The following KCNQ1 variants were observed in gnomAD, a reference collection of about 807,000 sequenced individuals.
KCNQ1 encodes the protein potassium voltage-gated channel subfamily Q member 1.
In KCNQ1, 49 loss-of-function variants were observed where a neutral mutation model predicts 72.4. That is an observed-to-expected ratio of 0.68 (90% CI 0.54 to 0.86). The LOEUF is 0.86. Ranked by LOEUF, KCNQ1 falls within the 40% of genes least tolerant of loss-of-function variation. KCNQ1 has a pLI of 0.00. For synonymous variants in KCNQ1, 450 were observed against 412.6 expected, an observed-to-expected ratio of 1.09 and a Z score of -1.10; for missense variants, 790 against 945.1, an observed-to-expected ratio of 0.84 and a Z score of 2.15.
intron 2 of KCNQ1, among the ~76,000 whole-genome samples, chr11:2,534,561 CT>C (rs1414118967): frequency 6.6e-6 from 1 of 152,240 alleles, no homozygotes; most frequent in Non-Finnish European, 1.5e-5. Context: ...AAGCCCCGTC[CT>C]GCACACTTGC....
At chr11:2,825,693 A>G (rs1315117451) in intron 15 of KCNQ1, among the ~76,000 whole-genome samples, 2 of 152,250 alleles carry the variant, frequency 1.3e-5, no homozygotes, top group Non-Finnish European at 2.9e-5. Flanking sequence ...CAGACAATTA[A>G]TTATCCTTCG....
At chr11:2,551,987 G>C (rs1847989703) in intron 2 of KCNQ1, among the ~76,000 whole-genome samples, 1 of 152,174 alleles carries the variant, frequency 6.6e-6, no homozygotes, top group Non-Finnish European at 1.5e-5. Flanking sequence ...TTCTGGATAT[G>C]AGTCCTTCAC....
At chr11:2,807,408 G>A (rs569075003) in intron 15 of KCNQ1, among the ~76,000 whole-genome samples, 49 of 152,316 alleles carry the variant, frequency 3.2e-4, no homozygotes, top group East Asian at 1.2e-3. Context: ...CATGGAGAGC[G>A]GGACTGTGCC....
intron 1 of KCNQ1, among the ~76,000 whole-genome samples, chr11:2,460,464 G>A (rs930846589): frequency 3.9e-5 from 6 of 152,216 alleles, no homozygotes; most frequent in Non-Finnish European, 8.8e-5. Flanking sequence ...CCAGCTCAAG[G>A]CCCTGGCCTC....
chr11:2,584,098 G>A (rs1345996388), intron 7 of KCNQ1, among the ~76,000 whole-genome samples: 1 of 152,200 alleles, frequency 6.6e-6, no homozygotes, highest in Non-Finnish European at 1.5e-5. Context: ...ACATGGGTGT[G>A]TATGTACTGT....
intron 1 of KCNQ1, chr11:2,461,436 C>G: frequency 7.8e-7 from 1 of 1,283,050 alleles, no homozygotes; most frequent in Non-Finnish European, 1.0e-6. Context: ...GGGGTGGCCC[C>G]TCTTCCCTTC....
In KCNQ1 at chr11:2,682,085, C is replaced by T. The variant is rs138628534; in HGVS notation, c.1514+20004C>T. 5.6e-3 allele frequency: 2,219 copies of T among 398,554 alleles called. 19 individuals are homozygous for T. The highest frequency in any genetic ancestry group is 6.4e-3 in the Non-Finnish European group (1,456 of 226,040). 24.7% of individuals were successfully genotyped at this position (398,554 alleles called of 1,614,324 possible). On this transcript the variant is annotated intron_variant, in intron 11 of 15. Transcript: ENST00000155840. The surrounding 1 kb of genome is among the most constrained non-coding windows in gnomAD (Gnocchi z 5.8). ...GGGTTGAGGGATTGAGTCTAGGGCC[C>T]AGGGTCACAAAGCTAGGGAGCCGTG...
chr11:2,732,117 T>C (rs1448570374), intron 11 of KCNQ1, among the ~76,000 whole-genome samples: 1 of 152,228 alleles, frequency 6.6e-6, no homozygotes, highest in African/African-American at 2.4e-5. Flanking sequence ...AGTGCCTGCG[T>C]GGTGGCCTCT....
chr11:2,845,607 C>A (rs1288246818), intron 15 of KCNQ1, among the ~76,000 whole-genome samples: 1 of 152,208 alleles, frequency 6.6e-6, no homozygotes, highest in African/African-American at 2.4e-5. Flanking sequence ...CTGGCCTGGA[C>A]CGTCAGACCT....
chr11:2,581,379 C>T (rs1037482726), intron 6 of KCNQ1, among the ~76,000 whole-genome samples: 1 of 152,246 alleles, frequency 6.6e-6, no homozygotes, highest in African/African-American at 2.4e-5. Flanking sequence ...GTGTCTGCCT[C>T]TGCAACTCCC....
chr11:2,786,448 T>C (rs1179393181), intron 15 of KCNQ1, among the ~76,000 whole-genome samples: 1 of 152,136 alleles, frequency 6.6e-6, no homozygotes, highest in Non-Finnish European at 1.5e-5. Context: ...TACTCAGTGG[T>C]TTGGTGTCTT....
chr11:2,721,630 G>T (rs541702568), intron 11 of KCNQ1, among the ~76,000 whole-genome samples: 2 of 152,226 alleles, frequency 1.3e-5, no homozygotes, highest in African/African-American at 4.8e-5. Context: ...GTTGGTGGGG[G>T]CAGCAGAGCC....
rs1848255083 is a variant in KCNQ1, at chr11:2,566,815, T to A, written c.478-3813T>A. Among the ~76,000 whole-genome samples, 1 of 152,148 alleles carries A rather than the reference T, an allele frequency of 6.6e-6. No individual in the cohort carries two copies. Among genetic ancestry groups the A allele is most frequent in the Admixed American group, 6.5e-5 (1 of 15,282 alleles). ...GTGAGAGGCGCTTTGTGGGGCTGGA[T>A]GATCCTGGGTGCCCCTCAGAGAAGG... is the stretch of plus-strand genomic sequence containing the variant. On this transcript the variant is annotated intron_variant, in intron 2 of 15. Transcript: ENST00000155840. The surrounding 1 kb of genome is among the most constrained non-coding windows in gnomAD (Gnocchi z 6.7).
chr11:2,445,221 G>A lies in KCNQ1; in HGVS notation c.123G>A (p.Ala41=), dbSNP rs1450451878. The change falls in exon 1 of 16, where the codon GCG becomes GCA. Residue 41 remains alanine, a synonymous_variant. Transcript: ENST00000155840. ...AKKCPFSLEL[A]EGGPAGGALY... ...AGTGCCCCTTCTCGCTGGAGCTGGC[G>A]GAGGGCGGCCCGGCGGGCGGCGCGC... The A allele has an allele frequency of 2.6e-6, 3 of 1,135,234 alleles. No homozygotes were observed. The highest frequency in any genetic ancestry group is 4.3e-5 in the Admixed American group (1 of 23,446). The allele number at this position is 1,135,234 out of a possible 1,614,324, so 70.3% of individuals were successfully genotyped here.
intron 1 of KCNQ1, among the ~76,000 whole-genome samples, chr11:2,474,235 G>A (rs898494658): frequency 7.2e-5 from 11 of 152,178 alleles, no homozygotes; most frequent in Admixed American, 5.9e-4. Context: ...CTGTCCTCGA[G>A]TCTCCTGGTG....
chr11:2,668,567 G>T lies in KCNQ1; in HGVS notation c.1514+6486G>T. ...CTAATGAAGTTGAGTCCCTTTCCAT[G>T]TTATCATTTAGTCAGATACATCATT... On this transcript the variant is annotated intron_variant, in intron 11 of 15. Coordinates refer to ENST00000155840, the MANE Select transcript of KCNQ1 (RefSeq NM_000218.3). The surrounding 1 kb of genome is among the most constrained non-coding windows in gnomAD (Gnocchi z 4.3). 1 of 398,610 alleles carries T rather than the reference G, an allele frequency of 2.5e-6. No individual in the cohort carries two copies. Among genetic ancestry groups the T allele is most frequent in the East Asian group, 3.6e-5 (1 of 28,080 alleles). 24.7% of individuals were successfully genotyped at this position (398,610 alleles called of 1,614,324 possible).
At chr11:2,796,720 G>C (rs1055223363) in intron 15 of KCNQ1, among the ~76,000 whole-genome samples, 1 of 152,194 alleles carries the variant, frequency 6.6e-6, no homozygotes, top group Non-Finnish European at 1.5e-5. Context: ...AGACCTCGTG[G>C]GTTTCCCAGG....
At chr11:2,460,543 A>G (rs1205675361) in intron 1 of KCNQ1, among the ~76,000 whole-genome samples, 1 of 145,856 alleles carries the variant, frequency 6.9e-6, no homozygotes, top group Non-Finnish European at 1.5e-5. Context: ...GGCCCACAGT[A>G]GAAAGGCTCC....
rs1418621845 is a variant in KCNQ1 at position 2,625,580 on chromosome 11, T to C, written c.1394-36381T>C. ...TACGTCTGTCCAAGTCCTTTGCCCT[T>C]TTTTTTTTTTTTTTGAGATGGAGTC... On this transcript the variant is annotated intron_variant, in intron 10 of 15. Coordinates refer to ENST00000155840, the MANE Select transcript of KCNQ1 (RefSeq NM_000218.3). The C allele has an allele frequency of 9.3e-4, 12 of 12,880 alleles. No homozygotes were observed. In the South Asian group the frequency reaches 0.015, roughly 16 times the overall value. 0.8% of individuals were successfully genotyped at this position (12,880 alleles called of 1,614,324 possible).
Sources: gnomAD v4.1 joint callset for allele counts (sites outside exome capture counted in the v4.1 genomes callset) on GRCh38, gnomAD v4.1.1 for gene constraint, Gnocchi (gnomAD v3.1) non-coding constraint, MANE v1.5 for transcripts, NCBI Gene and HGNC (gene_info 2026-07-23, HGNC 2026-07-21) for gene names.